The following CDH18 variants were observed in gnomAD, a reference collection of about 807,000 sequenced individuals.
CDH18 encodes the protein cadherin 18, also known as cadherin-18.
Under a neutral mutation model 67.9 loss-of-function variants are expected in CDH18, and 31 were observed. The ratio of observed to expected loss-of-function variants is 0.46; its 90% CI spans 0.34 to 0.62. CDH18 has a LOEUF of 0.62. Ranked by LOEUF, CDH18 falls within the 20% of genes least tolerant of loss-of-function variation. CDH18 has a pLI of 0.01. For synonymous variants in CDH18, 362 were observed against 347.2 expected, an observed-to-expected ratio of 1.04 and a Z score of -0.48; for missense variants, 890 against 975.5, an observed-to-expected ratio of 0.91 and a Z score of 1.17.
At chr5:19,759,533 G>A (rs757174612) in intron 3 of CDH18, among the ~76,000 whole-genome samples, 7 of 152,070 alleles carry the variant, frequency 4.6e-5, no homozygotes, top group Non-Finnish European at 7.4e-5. Context: ...CCGAGTCCAG[G>A]GACCCACTGG....
At chr5:20,344,503 C>T (rs942542018) in intron 1 of CDH18, among the ~76,000 whole-genome samples, 1 of 151,996 alleles carries the variant, frequency 6.6e-6, no homozygotes, top group Admixed American at 6.6e-5. Flanking sequence ...GATAATTACT[C>T]ACTTTGGACT....
chr5:19,512,666 G>A (rs750020673), intron 10 of CDH18, among the ~76,000 whole-genome samples: 4 of 152,078 alleles, frequency 2.6e-5, no homozygotes, highest in South Asian at 2.1e-4. Flanking sequence ...TTCTACCTGC[G>A]TATAGCAGCA....
At chr5:20,466,862 T>C (rs1751667085) in intron 1 of CDH18, among the ~76,000 whole-genome samples, 1 of 152,120 alleles carries the variant, frequency 6.6e-6, no homozygotes, top group Non-Finnish European at 1.5e-5. Context: ...TTAATGGTTT[T>C]TTACCACTTA....
At chr5:19,992,437 A>T (rs1174407054), upstream of CDH18, among the ~76,000 whole-genome samples, 2 of 151,198 alleles carry the variant, frequency 1.3e-5, no homozygotes, top group Non-Finnish European at 2.9e-5. Context: ...AATATAAAGT[A>T]TATGCCAGAC....
At chr5:20,238,979 A>T (rs1050392897) in intron 2 of CDH18, among the ~76,000 whole-genome samples, 2 of 152,190 alleles carry the variant, frequency 1.3e-5, no homozygotes, top group Non-Finnish European at 2.9e-5. Flanking sequence ...TGCTAAGAAA[A>T]CTATGCTCCA....
chr5:20,385,135 C>T (rs72745076), intron 1 of CDH18, among the ~76,000 whole-genome samples: 3,780 of 152,208 alleles, frequency 0.025, 95 homozygotes, highest in East Asian at 0.059. Flanking sequence ...CCACACCTGG[C>T]CTTGTTAGGT....
At chr5:19,703,656 A>G (rs1302343772) in intron 5 of CDH18, among the ~76,000 whole-genome samples, 4 of 152,118 alleles carry the variant, frequency 2.6e-5, no homozygotes, top group African/African-American at 9.7e-5. Flanking sequence ...CCAGGAATTT[A>G]GCAAGCTAGA....
At chr5:19,826,365 A>G (rs2149972389) in intron 3 of CDH18, among the ~76,000 whole-genome samples, 1 of 152,288 alleles carries the variant, frequency 6.6e-6, no homozygotes, top group African/African-American at 2.4e-5. Flanking sequence ...ACTCAAATCC[A>G]AGAAAGGCAG....
chr5:20,537,333 C>G (rs543397826), intron 1 of CDH18, among the ~76,000 whole-genome samples: 18 of 152,166 alleles, frequency 1.2e-4, no homozygotes, highest in African/African-American at 3.4e-4. Context: ...GATCATCACA[C>G]AGAGGTACAT....
intron 1 of CDH18, among the ~76,000 whole-genome samples, chr5:20,552,203 G>A (rs757426685): frequency 2.0e-5 from 3 of 151,828 alleles, no homozygotes; most frequent in East Asian, 3.9e-4. Context: ...TCAGGTGGGC[G>A]CATTGGCTCA....
chr5:19,735,732 A>C (rs866713969), intron 4 of CDH18, among the ~76,000 whole-genome samples: 4 of 152,254 alleles, frequency 2.6e-5, no homozygotes, highest in Middle Eastern at 3.4e-3. Context: ...TCACACCTAT[A>C]CTTCGTAAGA....
intron 12 of CDH18, among the ~76,000 whole-genome samples, chr5:19,482,644 T>A (rs1288519784): frequency 1.3e-5 from 2 of 152,052 alleles, no homozygotes; most frequent in East Asian, 3.9e-4. Flanking sequence ...AACATGATGA[T>A]GTTTTCCCAA....
chr5:20,141,343 T>C (rs1750225512), intron 2 of CDH18, among the ~76,000 whole-genome samples: 1 of 152,146 alleles, frequency 6.6e-6, no homozygotes, highest in African/African-American at 2.4e-5. Flanking sequence ...GGAAGGATAA[T>C]AGTAAAGCAT....
intron 2 of CDH18, among the ~76,000 whole-genome samples, chr5:20,126,526 C>T (rs1748843867): frequency 6.6e-6 from 1 of 152,084 alleles, no homozygotes; most frequent in African/African-American, 2.4e-5. Context: ...AAAAGGGCAA[C>T]CTACAGAATG....
chr5:20,161,440 C>A (rs564480490), intron 2 of CDH18, among the ~76,000 whole-genome samples: 1 of 152,282 alleles, frequency 6.6e-6, no homozygotes, highest in South Asian at 2.1e-4. Context: ...TAGTTCCTCA[C>A]TGAACAAGCC....
chr5:20,454,084 T>C (rs1750671084), intron 1 of CDH18, among the ~76,000 whole-genome samples: 2 of 152,228 alleles, frequency 1.3e-5, no homozygotes, highest in South Asian at 4.2e-4. Flanking sequence ...GTGGATAAAA[T>C]GAGTTGGCCA....
intron 1 of CDH18, among the ~76,000 whole-genome samples, chr5:20,544,857 C>A (rs1370733990): frequency 6.6e-6 from 1 of 152,188 alleles, no homozygotes. Context: ...AGACTTAATT[C>A]ATTCCAGCAT....
At chr5:20,401,959 T>G (rs1242422369) in intron 1 of CDH18, among the ~76,000 whole-genome samples, 1 of 152,182 alleles carries the variant, frequency 6.6e-6, no homozygotes, top group Non-Finnish European at 1.5e-5. Context: ...TCCTTTGATC[T>G]TCTAAGCCTT....
At chr5:19,804,825 T>G (rs772714717) in intron 3 of CDH18, among the ~76,000 whole-genome samples, 1 of 152,178 alleles carries the variant, frequency 6.6e-6, no homozygotes, top group East Asian at 1.9e-4. Flanking sequence ...ATTTATAGTC[T>G]TCTTCTATCA....
Sources: gnomAD v4.1 joint callset for allele counts (sites outside exome capture counted in the v4.1 genomes callset) on GRCh38, gnomAD v4.1.1 for gene constraint, MANE v1.5 for transcripts, NCBI Gene and HGNC (gene_info 2026-07-23, HGNC 2026-07-21) for gene names.